UBAP1: variants seen among roughly 807,000 people sequenced by gnomAD.
UBAP1 encodes ubiquitin-associated protein 1.
A neutral mutation model predicts 39.0 loss-of-function variants in UBAP1; 5 were observed. The observed-to-expected ratio is 0.13, with a 90% CI of 0.07 to 0.27. The LOEUF is 0.27. UBAP1 is among the 10% of genes least tolerant of loss of function. The pLI is 1.00. For missense variants in UBAP1, 490 were observed against 608.1 expected (o/e 0.81, Z 2.04); for synonymous variants, 211 against 225.1 (o/e 0.94, Z 0.56).
intron 1 of UBAP1, among the ~76,000 whole-genome samples, chr9:34,198,791 G>A (rs1831203193): frequency 6.6e-6 from 1 of 152,198 alleles, no homozygotes; most frequent in African/African-American, 2.4e-5. Context: ...CTGAATGTCT[G>A]CCTTGGGCTT....
intron 1 of UBAP1, among the ~76,000 whole-genome samples, chr9:34,196,137 A>T (rs1489495347): frequency 6.7e-6 from 1 of 149,990 alleles, no homozygotes; most frequent in East Asian, 2.0e-4. Context: ...CTGGCTTTTT[A>T]TTTATTTATT....
intron 2 of UBAP1, among the ~76,000 whole-genome samples, chr9:34,228,576 C>G (rs1283302268): frequency 4.8e-5 from 7 of 146,514 alleles, no homozygotes; most frequent in African/African-American, 1.8e-4. Context: ...GTTTCCCCCC[C>G]CCCCTTTTTT....
At chr9:34,194,020 G>A (rs931768032) in intron 1 of UBAP1, among the ~76,000 whole-genome samples, 4 of 152,152 alleles carry the variant, frequency 2.6e-5, no homozygotes, top group East Asian at 1.9e-4. Flanking sequence ...ACCCAATATT[G>A]TATCAGAAGA....
intron 3 of UBAP1, among the ~76,000 whole-genome samples, chr9:34,239,198 C>T (rs1224966197): frequency 6.6e-6 from 1 of 152,204 alleles, no homozygotes; most frequent in Non-Finnish European, 1.5e-5. Flanking sequence ...CATGTGCCAC[C>T]ACACCTGGCT....
Position 34,179,160 on chromosome 9 carries a change from G to T in UBAP1, c.-88G>T. 1 of 1,240,786 alleles carries T rather than the reference G, an allele frequency of 8.1e-7. No homozygotes were observed. Among genetic ancestry groups the T allele is most frequent in the Non-Finnish European group, 1.0e-6 (1 of 990,518 alleles). The allele number at this position is 1,240,786 out of a possible 1,614,324, so 76.9% of individuals were successfully genotyped here. On this transcript the variant is annotated 5_prime_UTR_variant, in exon 1 of 7. Transcript: ENST00000297661. ...TCGCTCTCCCTAGGGGCTGTCGGGAGCTCAGCGGGGACCGAGCCTGGGAGG... is the reference window on the plus strand; with the variant it reads ...TCGCTCTCCCTAGGGGCTGTCGGGATCTCAGCGGGGACCGAGCCTGGGAGG...
chr9:34,210,407 A>G (rs913645836), intron 1 of UBAP1, among the ~76,000 whole-genome samples: 1 of 152,166 alleles, frequency 6.6e-6, no homozygotes, highest in African/African-American at 2.4e-5. Flanking sequence ...TTCTAATACT[A>G]TTCTGTTCAA....
chr9:34,227,187 G>A (rs1269699000), intron 2 of UBAP1, among the ~76,000 whole-genome samples: 1 of 152,118 alleles, frequency 6.6e-6, no homozygotes, highest in Non-Finnish European at 1.5e-5. Flanking sequence ...GTTAGGATAT[G>A]AGTAACATTT....
Position 34,242,022 on chromosome 9 carries a change from C to G in UBAP1, c.997C>G (p.Pro333Ala), listed in dbSNP as rs777906336. Residue 333 changes from proline (P) to alanine (A), a missense_variant, in exon 4 of 7, where the codon CCA becomes GCA. This residue lies in a region of UBAP1 where 339 missense variants were observed against 390.0 expected (regional missense o/e 0.87). Coordinates refer to ENST00000297661, the MANE Select transcript of UBAP1 (RefSeq NM_016525.5). ...GAACTTGGACAGTGGCACAGAGATG[C>G]CAGCCCTGACATCCTCCCAGATGCC... ...ALNLDSGTEMPALTSSQMPSL... is the reference protein window; with the variant it reads ...ALNLDSGTEMAALTSSQMPSL... The G allele has an allele frequency of 6.2e-7, 1 of 1,614,178 alleles. No homozygotes were observed. Among genetic ancestry groups the G allele is most frequent in the South Asian group, 1.1e-5 (1 of 91,084 alleles).
At chr9:34,224,178 A>T in intron 2 of UBAP1, 1 of 562,906 alleles carries the variant, frequency 1.8e-6, no homozygotes. Context: ...TTCTTCTGAA[A>T]TTTTTTAGAT....
At chr9:34,232,795 T>G (rs1313775528) in intron 2 of UBAP1, among the ~76,000 whole-genome samples, 2 of 152,232 alleles carry the variant, frequency 1.3e-5, no homozygotes, top group Admixed American at 1.3e-4. Context: ...AGTGTGAGGC[T>G]GAGAGGTAAA....
At chr9:34,215,752 T>TACAC (rs146016170) in intron 1 of UBAP1, among the ~76,000 whole-genome samples, 6 of 150,214 alleles carry the variant, frequency 4.0e-5, no homozygotes, top group Admixed American at 2.0e-4. Context: ...TATATATATG[T>TACAC]ACACACACAC....
chr9:34,242,945 AAGATAC>A (rs1338871992), intron 4 of UBAP1, among the ~76,000 whole-genome samples: 1 of 152,196 alleles, frequency 6.6e-6, no homozygotes, highest in Non-Finnish European at 1.5e-5. Context: ...AGCTGGTAAA[AAGATAC>A]AAAATCTTGG....
At chr9:34,197,834 G>A (rs1831150852) in intron 1 of UBAP1, among the ~76,000 whole-genome samples, 1 of 152,222 alleles carries the variant, frequency 6.6e-6, no homozygotes, top group Non-Finnish European at 1.5e-5. Context: ...ACAGGCGTGA[G>A]CCACTACACT....
chr9:34,185,027 C>T (rs1203122621), intron 1 of UBAP1, among the ~76,000 whole-genome samples: 2 of 150,480 alleles, frequency 1.3e-5, no homozygotes, highest in Non-Finnish European at 3.0e-5. Flanking sequence ...CTCTACCTCC[C>T]GAGTTCAAGC....
intron 1 of UBAP1, among the ~76,000 whole-genome samples, chr9:34,181,111 G>GTTTT (rs1563879456): frequency 2.8e-5 from 1 of 35,282 alleles, no homozygotes; most frequent in Admixed American, 3.4e-4. Context: ...CACCCGGCCT[G>GTTTT]TTTTCTTTTT....
chr9:34,183,518 A>T (rs1587775492), intron 1 of UBAP1, among the ~76,000 whole-genome samples: 1 of 149,016 alleles, frequency 6.7e-6, no homozygotes, highest in Non-Finnish European at 1.5e-5. Flanking sequence ...GTGCCACTAC[A>T]CTCCAGCCTG....
chr9:34,249,260 T>C (rs28676707), intron 4 of UBAP1, among the ~76,000 whole-genome samples: 4,667 of 152,178 alleles, frequency 0.031, 236 homozygotes, highest in African/African-American at 0.11. Flanking sequence ...TCCTAAGCTG[T>C]CCATGCATGG....
intron 4 of UBAP1, among the ~76,000 whole-genome samples, chr9:34,246,666 A>T (rs1834191151): frequency 1.3e-5 from 2 of 152,348 alleles, no homozygotes; most frequent in Admixed American, 6.5e-5. Flanking sequence ...TGAGTTGTGC[A>T]CACACATTAG....
At chr9:34,242,736 G>A (rs1834023741) in intron 4 of UBAP1, among the ~76,000 whole-genome samples, 1 of 152,122 alleles carries the variant, frequency 6.6e-6, no homozygotes, top group Non-Finnish European at 1.5e-5. Flanking sequence ...CGTTTCCGAG[G>A]CTGGTCTCAA....
Sources: gnomAD v4.1 joint callset for allele counts (sites outside exome capture counted in the v4.1 genomes callset) on GRCh38, gnomAD v4.1.1 for gene constraint, gnomAD v4.1.1 regional missense constraint, MANE v1.5 for transcripts, NCBI Gene and HGNC (gene_info 2026-07-23, HGNC 2026-07-21) for gene names.